The following SH3PXD2A variants were observed in gnomAD, a reference collection of about 807,000 sequenced individuals.
SH3PXD2A encodes SH3 and PX domains 2A, also known as SH3 and PX domain-containing protein 2A.
SH3PXD2A carries 32 observed loss-of-function variants against 115.2 expected under a neutral mutation model. The observed-to-expected ratio is 0.28, with a 90% CI of 0.21 to 0.37. SH3PXD2A has a LOEUF of 0.37. Among genes scored for constraint, SH3PXD2A ranks in the 10% least tolerant of loss-of-function variants. The pLI is 1.00. For synonymous variants in SH3PXD2A, 610 were observed against 629.1 expected, an observed-to-expected ratio of 0.97 and a Z score of 0.45; for missense variants, 1,328 against 1,498.7, an observed-to-expected ratio of 0.89 and a Z score of 1.88.
rs201177505 is a variant in SH3PXD2A at position 103,602,758 on chromosome 10, G to C, written c.2460C>G (p.Ser820=). The C allele has an allele frequency of 1.2e-6, 2 of 1,614,100 alleles. No homozygotes were observed. Among genetic ancestry groups the C allele is most frequent in the Non-Finnish European group, 1.7e-6 (2 of 1,180,000 alleles). ...APSEGSRRSS[S]DLITLPATTP... ...TGGTGGCTGGGAGGGTGATGAGGTC[G>C]GATGAGCTTCTCCTAGACCCCTCAC... The change falls in exon 15 of 15, where the codon TCC becomes TCG. Residue 820 remains serine (S), a synonymous_variant. Transcript: ENST00000369774.
intron 6 of SH3PXD2A, among the ~76,000 whole-genome samples, chr10:103,677,851 T>A (rs1218391599): frequency 1.3e-5 from 2 of 152,058 alleles, no homozygotes; most frequent in Non-Finnish European, 2.9e-5. Flanking sequence ...CAAGGGTGCA[T>A]GGAAAACTGA....
chr10:103,741,355 G>A (rs1011049035), intron 3 of SH3PXD2A, among the ~76,000 whole-genome samples: 1 of 152,202 alleles, frequency 6.6e-6, no homozygotes, highest in Non-Finnish European at 1.5e-5. Flanking sequence ...ACAGTTCCAT[G>A]CTGCCTCCCC....
intron 2 of SH3PXD2A, among the ~76,000 whole-genome samples, chr10:103,770,852 A>G (rs915520618): frequency 6.6e-6 from 1 of 152,222 alleles, no homozygotes; most frequent in Non-Finnish European, 1.5e-5. Flanking sequence ...TATATATAGC[A>G]CTGTCGTGAA....
chr10:103,732,810 TA>T (rs2038337431), intron 4 of SH3PXD2A, among the ~76,000 whole-genome samples: 1 of 152,272 alleles, frequency 6.6e-6, no homozygotes, highest in South Asian at 2.1e-4. Context: ...AGGCAGTACG[TA>T]GACAAAGGCA....
chr10:103,782,599 A>T (rs1428822987), intron 2 of SH3PXD2A, among the ~76,000 whole-genome samples: 1 of 152,130 alleles, frequency 6.6e-6, no homozygotes, highest in African/African-American at 2.4e-5. Flanking sequence ...TGTTCTAGGC[A>T]TCGGGAAAAC....
chr10:103,827,531 A>G (rs2039442460), intron 1 of SH3PXD2A, among the ~76,000 whole-genome samples: 1 of 152,240 alleles, frequency 6.6e-6, no homozygotes, highest in Admixed American at 6.5e-5. Flanking sequence ...GTATTTGTAA[A>G]GTGAACCTCA....
At chr10:103,730,265 C>A (rs1302501646) in intron 4 of SH3PXD2A, among the ~76,000 whole-genome samples, 2 of 139,620 alleles carry the variant, frequency 1.4e-5, no homozygotes, top group Non-Finnish European at 3.1e-5. Flanking sequence ...CCTTCCTGCA[C>A]ACTGATTTTT....
intron 6 of SH3PXD2A, among the ~76,000 whole-genome samples, chr10:103,690,081 T>A (rs978474011): frequency 6.6e-6 from 1 of 152,126 alleles, no homozygotes; most frequent in Non-Finnish European, 1.5e-5. Context: ...AAGGACTGTG[T>A]GTGGGCAGTC....
chr10:103,766,236 CT>C (rs924622820), intron 3 of SH3PXD2A, among the ~76,000 whole-genome samples: 4 of 152,210 alleles, frequency 2.6e-5, no homozygotes, highest in African/African-American at 9.6e-5. Context: ...TGACTGATCA[CT>C]GTGGTCCTGA....
intron 3 of SH3PXD2A, among the ~76,000 whole-genome samples, chr10:103,751,450 C>T (rs1277460739): frequency 6.6e-6 from 1 of 152,128 alleles, no homozygotes; most frequent in East Asian, 1.9e-4. Context: ...ATTATTCTTC[C>T]CATTTAACAA....
rs553678769 is a variant in SH3PXD2A at position 103,622,599 on chromosome 10, C to T, written c.719-46G>A. 1.9e-5 allele frequency: 19 copies of T among 997,168 alleles called. No individual in the cohort carries two copies. In the East Asian group the frequency reaches 3.1e-4, roughly 16 times the overall value. The allele number at this position is 997,168 out of a possible 1,614,324, so 61.8% of individuals were successfully genotyped here. A position where few individuals can be genotyped will look rare whatever the true frequency, so the allele number is the denominator to read the frequency against. On this transcript the variant is annotated intron_variant, in intron 9 of 14. Transcript: ENST00000369774. ...GGAGCATGCGGCCAACAGCAACCGG[C>T]GGAGAGAATGGAGATGAGGATGAGA...
At chr10:103,840,684 T>C (rs2039588631) in intron 1 of SH3PXD2A, among the ~76,000 whole-genome samples, 1 of 152,200 alleles carries the variant, frequency 6.6e-6, no homozygotes, top group Non-Finnish European at 1.5e-5. Context: ...CTTGTGACCA[T>C]TGGTAAATGC....
chr10:103,794,779 C>G (rs958595359), intron 2 of SH3PXD2A, among the ~76,000 whole-genome samples: 10 of 152,158 alleles, frequency 6.6e-5, no homozygotes, highest in African/African-American at 2.4e-4. Context: ...CACTTGGAGA[C>G]TAAGAGCCTC....
chr10:103,623,565 G>A (rs1408645055), intron 9 of SH3PXD2A, among the ~76,000 whole-genome samples: 1 of 152,144 alleles, frequency 6.6e-6, no homozygotes, highest in Non-Finnish European at 1.5e-5. Context: ...CCAGACCACC[G>A]AGGCCCTGGG....
At chr10:103,605,710 A>C in intron 14 of SH3PXD2A, 88 bp downstream of exon 14, 2 of 1,543,492 alleles carry the variant, frequency 1.3e-6, no homozygotes, top group Non-Finnish European at 1.8e-6. Context: ...CCCCTCAGGA[A>C]TCTTACTAGC....
At chr10:103,835,491 T>G (rs768785610) in intron 1 of SH3PXD2A, among the ~76,000 whole-genome samples, 30 of 152,222 alleles carry the variant, frequency 2.0e-4, no homozygotes, top group Non-Finnish European at 2.1e-4. Flanking sequence ...CTCACACACC[T>G]GGATATGGAA....
At chr10:103,673,612 T>C (rs1437759063) in intron 6 of SH3PXD2A, 1 of 152,218 alleles carries the variant, frequency 6.6e-6, no homozygotes, top group Non-Finnish European at 1.5e-5. Context: ...TATAGATTCA[T>C]AGTAAGGCTT....
intron 5 of SH3PXD2A, chr10:103,693,659 C>T (rs1199514053): frequency 2.0e-5 from 3 of 150,014 alleles, no homozygotes; most frequent in Non-Finnish European, 4.5e-5. Context: ...TGTCCTAGAC[C>T]CGAGACTCGC....
chr10:103,617,373 T>C, intron 10 of SH3PXD2A, 59 bp from the exon 11 acceptor site: 1 of 1,194,484 alleles, frequency 8.4e-7, no homozygotes, highest in South Asian at 1.2e-5. Context: ...TCCTGCTTCC[T>C]GTCCCCTCCT....
Sources: gnomAD v4.1 joint callset for allele counts (sites outside exome capture counted in the v4.1 genomes callset) on GRCh38, gnomAD v4.1.1 for gene constraint, MANE v1.5 for transcripts, NCBI Gene and HGNC (gene_info 2026-07-23, HGNC 2026-07-21) for gene names.